The following RRBP1 variants were observed in gnomAD, a reference collection of about 807,000 sequenced individuals.
RRBP1 encodes ribosome binding protein 1, also known as ribosome-binding protein 1.
A neutral mutation model predicts 165.2 loss-of-function variants in RRBP1; 94 were observed. That is an observed-to-expected ratio of 0.57 (90% CI 0.48 to 0.68). RRBP1 has a LOEUF of 0.68. Among genes scored for constraint, RRBP1 ranks in the 30% least tolerant of loss-of-function variants. The pLI is 0.00. For synonymous variants in RRBP1, 680 were observed against 714.5 expected (o/e 0.95, Z 0.77); for missense variants, 1,676 against 1,763.0 (o/e 0.95, Z 0.88).
chr20:17,645,206 C>T (rs559399429), intron 3 of RRBP1, among the ~76,000 whole-genome samples: 115 of 152,322 alleles, frequency 7.5e-4, no homozygotes, highest in Non-Finnish European at 1.3e-3. Flanking sequence ...CTGGAGGGCA[C>T]GCGCTCTAGG....
intron 8 of RRBP1, among the ~76,000 whole-genome samples, chr20:17,630,419 C>T (rs901322081): frequency 6.6e-6 from 1 of 152,208 alleles, no homozygotes; most frequent in African/African-American, 2.4e-5. Context: ...GGGCAGTGCT[C>T]TTAGTTCTTA....
At chr20:17,646,163 C>T (rs2036458519) in intron 3 of RRBP1, among the ~76,000 whole-genome samples, 1 of 152,118 alleles carries the variant, frequency 6.6e-6, no homozygotes, top group Admixed American at 6.5e-5. Context: ...GTCCTGGGCA[C>T]GGCACTTCAC....
At chr20:17,658,087 T>C (rs1600767915) in intron 3 of RRBP1, among the ~76,000 whole-genome samples, 1 of 152,310 alleles carries the variant, frequency 6.6e-6, no homozygotes, top group Non-Finnish European at 1.5e-5. Context: ...CTCCCATATG[T>C]TTAAGACATG....
intron 5 of RRBP1, among the ~76,000 whole-genome samples, chr20:17,636,976 G>A (rs2036260334): frequency 1.3e-5 from 2 of 152,216 alleles, no homozygotes; most frequent in South Asian, 4.1e-4. Context: ...CCACAGTGGA[G>A]GTGGCAGATG....
chr20:17,647,649 G>A (rs1043180031), intron 3 of RRBP1, among the ~76,000 whole-genome samples: 1 of 152,174 alleles, frequency 6.6e-6, no homozygotes, highest in African/African-American at 2.4e-5. Flanking sequence ...GAGCTGGTGG[G>A]AGAGAGGCCC....
intron 5 of RRBP1, among the ~76,000 whole-genome samples, chr20:17,641,243 C>T (rs1399334406): frequency 7.9e-5 from 12 of 152,252 alleles, no homozygotes; most frequent in Admixed American, 7.8e-4. Flanking sequence ...CAACCCACCA[C>T]CGTTTGCTGT....
rs752804714 is a variant in RRBP1 at position 17,620,739 on chromosome 20, G to A, written c.3483C>T (p.Gly1161=). ...EEEQVWRAKV[G]AAEEELQKSR... is the part of the protein sequence containing the mutation. ...CCTTCTGGAGCTCCTCCTCTGCGGC[G>A]CCCACCTTGGCCCTCCACACCTGCT... The change falls in exon 17 of 25, where the codon GGC becomes GGT. Residue 1161 remains glycine (G), a synonymous_variant. Transcript: ENST00000377813. 4.4e-6 allele frequency: 7 copies of A among 1,607,118 alleles called. No individual in the cohort carries two copies. The highest frequency in any genetic ancestry group is 1.1e-5 in the South Asian group (1 of 91,056).
chr20:17,671,788 T>C (rs1307878322), intron 2 of RRBP1, among the ~76,000 whole-genome samples: 1 of 152,190 alleles, frequency 6.6e-6, no homozygotes, highest in Non-Finnish European at 1.5e-5. Flanking sequence ...GGGTCACTCC[T>C]TTCACCACCT....
intron 24 of RRBP1, 124 bp downstream of exon 24, chr20:17,614,613 G>A: frequency 4.7e-6 from 6 of 1,263,188 alleles, no homozygotes; most frequent in African/African-American, 1.5e-5. Context: ...CCTCCCCTGG[G>A]GCTCCCAGCC....
intron 23 of RRBP1, 152 bp from the exon 24 acceptor site, chr20:17,615,032 G>C (rs2035770855): frequency 1.2e-6 from 1 of 850,724 alleles, no homozygotes; most frequent in Non-Finnish European, 1.8e-6. Flanking sequence ...GGTGACGACA[G>C]GGAGGAAACC....
chr20:17,618,999 G>A (rs575264317), intron 19 of RRBP1: 109 of 344,170 alleles, frequency 3.2e-4, no homozygotes, highest in African/African-American at 2.1e-3. Flanking sequence ...TGTCATCCAC[G>A]CTGGTCTTGA....
intron 18 of RRBP1, 187 bp from the exon 19 acceptor site, chr20:17,619,915 G>A: frequency 1.8e-6 from 1 of 559,290 alleles, no homozygotes; most frequent in African/African-American, 1.9e-5. Flanking sequence ...GTGGCAGGCT[G>A]CACCCGGGCA....
intron 8 of RRBP1, among the ~76,000 whole-genome samples, chr20:17,630,400 C>T (rs1858238281): frequency 6.6e-6 from 1 of 152,244 alleles, no homozygotes; most frequent in Admixed American, 6.5e-5. Context: ...CCACTGCGAT[C>T]ACGCTATAGG....
rs200124781 is a variant in RRBP1 at position 17,660,101 on chromosome 20, G to A, written c.407C>T (p.Pro136Leu). The A allele has an allele frequency of 1.9e-6, 3 of 1,614,136 alleles. No individual in the cohort carries two copies. Among genetic ancestry groups the A allele is most frequent in the Middle Eastern group, 1.6e-4 (1 of 6,062 alleles). The change falls in exon 3 of 25, where the codon CCC (proline) becomes CTC (leucine). Residue 136 changes from proline (P) to leucine (L), a missense_variant. Physicochemically the swap from Pro to Leu is moderately conservative, Grantham distance 98. This residue lies in a region of RRBP1 where 392 missense variants were observed against 382.5 expected (regional missense o/e 1.02). Transcript: ENST00000377813. Reference sequence around the variant, plus strand: ...TTTCTCCTTCTTCTTTTTGTCCTTGGGGGAGGAGGCCAGCTTCTCCTGGGG... The same window carrying A: ...TTTCTCCTTCTTCTTTTTGTCCTTGAGGGAGGAGGCCAGCTTCTCCTGGGG... ...AMPQEKLASSPKDKKKKEKKV... is the reference protein window; with the variant it reads ...AMPQEKLASSLKDKKKKEKKV...
At chr20:17,618,704 G>A in intron 19 of RRBP1, 25 bp from the exon 20 acceptor site, 1 of 1,583,180 alleles carries the variant, frequency 6.3e-7, no homozygotes. Flanking sequence ...AGAGGCGGGT[G>A]ATGGGAAAAA....
chr20:17,627,420 A>G (rs1371079313), intron 10 of RRBP1, 38 bp from the exon 11 acceptor site: 3 of 1,612,866 alleles, frequency 1.9e-6, no homozygotes, highest in Non-Finnish European at 1.7e-6. Flanking sequence ...TCTCCAGGAG[A>G]CTCATCTCAC....
chr20:17,644,376 G>A (rs913530847), intron 3 of RRBP1, among the ~76,000 whole-genome samples: 2 of 152,174 alleles, frequency 1.3e-5, no homozygotes, highest in African/African-American at 4.8e-5. Context: ...TGTACATAAA[G>A]TAATTTTAAT....
At chr20:17,616,952 C>CT (rs1233354582) in intron 20 of RRBP1, 113 bp from the exon 21 acceptor site, 3 of 874,392 alleles carry the variant, frequency 3.4e-6, no homozygotes, top group Admixed American at 4.3e-5. Flanking sequence ...GCCAAAGTCC[C>CT]TTCAGGGGAC....
chr20:17,624,518 A>G, intron 13 of RRBP1, 58 bp downstream of exon 13: 1 of 1,170,802 alleles, frequency 8.5e-7, no homozygotes, highest in South Asian at 1.3e-5. Flanking sequence ...GTCTTAGTGC[A>G]TTTGTGCATC....
Sources: gnomAD v4.1 joint callset for allele counts (sites outside exome capture counted in the v4.1 genomes callset) on GRCh38, gnomAD v4.1.1 for gene constraint, gnomAD v4.1.1 regional missense constraint, MANE v1.5 for transcripts, NCBI Gene and HGNC (gene_info 2026-07-23, HGNC 2026-07-21) for gene names.